Variants in TPCN1 observed in about 807,000 individuals in gnomAD.
The protein encoded by TPCN1 is two pore segment channel 1, also known as two pore channel protein 1.
TPCN1 carries 52 observed loss-of-function variants against 108.8 expected under a neutral mutation model. The ratio of observed to expected loss-of-function variants is 0.48; its 90% CI spans 0.38 to 0.60. The LOEUF is 0.60. TPCN1 is among the 20% of genes least tolerant of loss of function. TPCN1 has a pLI of 0.00. For synonymous variants in TPCN1, 446 were observed against 433.7 expected, an observed-to-expected ratio of 1.03 and a Z score of -0.35; for missense variants, 806 against 1,072.8, an observed-to-expected ratio of 0.75 and a Z score of 3.47.
rs1955568628 is a variant in TPCN1 at position 113,273,381 on chromosome 12, C to T, written c.842+91C>T. On this transcript the variant is annotated intron_variant, in intron 9 of 27. Transcript: ENST00000335509. This position sits in a 1 kb window ranked among gnomAD's most constrained non-coding sequence, Gnocchi z 4.0. Reference sequence around the variant, plus strand: ...GCCAAGTATATTCCACATCCCAGCACAGGCAGGTGCTGTGGTGCTATTGGG... The same window carrying T: ...GCCAAGTATATTCCACATCCCAGCATAGGCAGGTGCTGTGGTGCTATTGGG... 13 of 1,443,318 alleles carry T rather than the reference C, an allele frequency of 9.0e-6. No homozygotes were observed. Among genetic ancestry groups the T allele is most frequent in the Non-Finnish European group, 9.7e-7 (1 of 1,026,158 alleles). 89.4% of individuals were successfully genotyped at this position (1,443,318 alleles called of 1,614,324 possible).
At chr12:113,250,681 G>T (rs189818099) in intron 2 of TPCN1, among the ~76,000 whole-genome samples, 1 of 152,242 alleles carries the variant, frequency 6.6e-6, no homozygotes, top group Non-Finnish European at 1.5e-5. Context: ...CCGGCCAGGC[G>T]CAGTGGCTCA....
intron 2 of TPCN1, chr12:113,249,592 A>G (rs1954549868): frequency 6.6e-6 from 1 of 152,276 alleles, no homozygotes; most frequent in African/African-American, 2.4e-5. Flanking sequence ...AACAGCAGAA[A>G]GTGCCTACAA....
intron 15 of TPCN1, among the ~76,000 whole-genome samples, chr12:113,282,439 A>G (rs1052156659): frequency 2.0e-5 from 3 of 150,024 alleles, no homozygotes; most frequent in Non-Finnish European, 4.4e-5. Context: ...ATTTTGGGGG[A>G]TTGCTTTTGG....
intron 1 of TPCN1, among the ~76,000 whole-genome samples, chr12:113,225,838 G>A (rs984283190): frequency 1.3e-5 from 2 of 152,042 alleles, no homozygotes; most frequent in Non-Finnish European, 2.9e-5. Context: ...ACAGGTGTCA[G>A]CCACTGTGCC....
At chr12:113,230,283 CTTTT>C (rs71086152) in intron 2 of TPCN1, among the ~76,000 whole-genome samples, 22 of 108,950 alleles carry the variant, frequency 2.0e-4, no homozygotes, top group Admixed American at 1.9e-3. Context: ...ATCCATTCAT[CTTTT>C]TTTTTTTTTT....
Position 113,273,561 on chromosome 12 carries a change from A to G in TPCN1, c.843-8A>G, listed in dbSNP as rs1447655301. ...TACAGCACGCCGGGTCACCCTCTGC[A>G]AATACAGTTTCCCAGATGTGATGAT... On this transcript the variant is annotated splice_region_variant and splice_polypyrimidine_tract_variant and intron_variant, in intron 9 of 27. Coordinates refer to ENST00000335509, the MANE Select transcript of TPCN1 (RefSeq NM_017901.6). The surrounding 1 kb of genome is among the most constrained non-coding windows in gnomAD (Gnocchi z 4.0). 4.3e-6 allele frequency: 7 copies of G among 1,611,792 alleles called. No homozygotes were observed. The highest frequency in any genetic ancestry group is 1.7e-5 in the Admixed American group (1 of 60,008).
chr12:113,277,073 C>A (rs1180386931), intron 11 of TPCN1, 38 bp downstream of exon 11: 2 of 1,595,382 alleles, frequency 1.3e-6, no homozygotes, highest in South Asian at 2.2e-5. Flanking sequence ...TGGTCCCTGT[C>A]CTCCCTCCCT....
At chr12:113,248,272 A>G (rs543336867) in intron 2 of TPCN1, among the ~76,000 whole-genome samples, 21 of 152,236 alleles carry the variant, frequency 1.4e-4, no homozygotes, top group Non-Finnish European at 2.8e-4. Context: ...CAGGGCTAGC[A>G]AGACCTTCTA....
rs757569986 is a variant in TPCN1 at position 113,268,716 on chromosome 12, C to G, written c.529-26C>G. ...ATGACGGCTGGGCTGCAGGGGCTGA[C>G]GGTGCTCCATGCCTGCCACCCACAG... is the stretch of plus-strand genomic sequence containing the variant. On this transcript the variant is annotated intron_variant, in intron 5 of 27. Coordinates refer to ENST00000335509, the MANE Select transcript of TPCN1 (RefSeq NM_017901.6). The surrounding 1 kb of genome is among the most constrained non-coding windows in gnomAD (Gnocchi z 7.3). 1.2e-6 allele frequency: 2 copies of G among 1,611,184 alleles called. No individual in the cohort carries two copies. The highest frequency in any genetic ancestry group is 2.7e-5 in the African/African-American group (2 of 74,848).
chr12:113,266,128 G>A lies in TPCN1; in HGVS notation c.238-52G>A, dbSNP rs1301100406. On this transcript the variant is annotated intron_variant, in intron 3 of 27. Coordinates refer to ENST00000335509, the MANE Select transcript of TPCN1 (RefSeq NM_017901.6). The surrounding 1 kb of genome is among the most constrained non-coding windows in gnomAD (Gnocchi z 4.2). ...CTCCCCTGCCCGCGGCTCCTCTTTGGCGTTGGATGGGTCTCCAGGCTTACA... is the reference window on the plus strand; with the variant it reads ...CTCCCCTGCCCGCGGCTCCTCTTTGACGTTGGATGGGTCTCCAGGCTTACA... 15 of 1,597,620 alleles carry A rather than the reference G, an allele frequency of 9.4e-6. No homozygotes were observed. The highest frequency in any genetic ancestry group is 1.3e-5 in the African/African-American group (1 of 74,658).
At chr12:113,293,760 C>A (rs1423138280) in intron 27 of TPCN1, among the ~76,000 whole-genome samples, 1 of 152,234 alleles carries the variant, frequency 6.6e-6, no homozygotes, top group African/African-American at 2.4e-5. Context: ...CAGGATGTGC[C>A]TGTCCAAAGG....
chr12:113,270,715 G>C (rs1252428589), intron 7 of TPCN1, among the ~76,000 whole-genome samples: 1 of 152,066 alleles, frequency 6.6e-6, no homozygotes, highest in African/African-American at 2.4e-5. Flanking sequence ...TCCTGACCTT[G>C]TGATCCACCT....
In TPCN1 at chr12:113,288,278, TGGCAGTGCCCCGTGGGGGC is replaced by T. The variant is rs750796115; in HGVS notation, c.1706+47_1706+65del. On this transcript the variant is annotated intron_variant, in intron 20 of 27. Transcript: ENST00000335509. This position sits in a 1 kb window ranked among gnomAD's most constrained non-coding sequence, Gnocchi z 4.8. ...CTGGCCTGCAGGTCCAGGTGCCGTG[TGGCAGTGCCCCGTGGGGGC>T]GGGAGCCGAGTGGCAGTCGGGGGAA... The T allele has an allele frequency of 3.1e-6, 5 of 1,612,604 alleles. No individual in the cohort carries two copies. In the East Asian group the frequency reaches 8.9e-5, roughly 29 times the overall value.
At chr12:113,286,870 T>G in intron 18 of TPCN1, 117 bp from the exon 19 acceptor site, 3 of 703,614 alleles carry the variant, frequency 4.3e-6, no homozygotes, top group Non-Finnish European at 7.5e-6. Flanking sequence ...CTGGTTCCTG[T>G]TGGTGTTGCT....
chr12:113,248,695 G>A (rs947043377), intron 2 of TPCN1, among the ~76,000 whole-genome samples: 7 of 152,322 alleles, frequency 4.6e-5, no homozygotes, highest in South Asian at 2.1e-4. Context: ...GAGAGGTTGC[G>A]GGTCAGGTTC....
intron 12 of TPCN1, among the ~76,000 whole-genome samples, chr12:113,277,797 C>T (rs935934873): frequency 1.3e-5 from 2 of 152,150 alleles, no homozygotes; most frequent in African/African-American, 4.8e-5. Context: ...CTGTCCACAG[C>T]AGCCTGCTGT....
intron 2 of TPCN1, among the ~76,000 whole-genome samples, chr12:113,236,545 G>C (rs186506699): frequency 3.8e-4 from 58 of 152,138 alleles, no homozygotes; most frequent in Admixed American, 1.6e-3. Context: ...AAGTAAGGAG[G>C]GGGGTTGCAG....
chr12:113,254,998 T>C (rs1269969732), intron 2 of TPCN1, among the ~76,000 whole-genome samples: 1 of 152,240 alleles, frequency 6.6e-6, no homozygotes, highest in Non-Finnish European at 1.5e-5. Context: ...GAGACAAAGA[T>C]ATCCCTTCTC....
intron 7 of TPCN1, among the ~76,000 whole-genome samples, chr12:113,270,202 CA>C (rs562040991): frequency 5.2e-4 from 72 of 138,782 alleles, no homozygotes; most frequent in Non-Finnish European, 4.6e-4. Context: ...GACTTTGTCT[CA>C]AAAAAAAAAA....
Sources: allele counts gnomAD v4.1 joint callset (sites outside exome capture counted in the v4.1 genomes callset), GRCh38; gene constraint gnomAD v4.1.1; non-coding constraint Gnocchi (gnomAD v3.1); transcripts MANE v1.5; gene names NCBI Gene and HGNC (gene_info 2026-07-23, HGNC 2026-07-21).